EGFR: variants seen among roughly 807,000 people sequenced by gnomAD.
EGFR encodes the protein epidermal growth factor receptor.
A neutral mutation model predicts 143.0 loss-of-function variants in EGFR; 58 were observed. The observed-to-expected ratio is 0.41, with a 90% confidence interval of 0.33 to 0.50. The LOEUF (loss-of-function observed/expected upper bound fraction) is 0.50, where lower values mean the gene tolerates loss of function less well. EGFR is among the 20% of genes least tolerant of loss of function. The pLI, the probability that EGFR is intolerant of heterozygous loss-of-function variation, is 0.39. For synonymous variants in EGFR, 613 were observed against 594.4 expected (o/e 1.03, Z -0.45); for missense variants, 1,307 against 1,579.0 (o/e 0.83, Z 2.92).
intron 15 of EGFR, among the ~76,000 whole-genome samples, chr7:55,167,903 G>A (rs758392882): frequency 1.3e-5 from 2 of 152,132 alleles, no homozygotes; most frequent in African/African-American, 2.4e-5. Context: ...TCAGAGCTTG[G>A]CATCTAAAGG....
intron 16 of EGFR, 170 bp from the exon 17 acceptor site, chr7:55,172,813 G>A (rs192475993): frequency 5.4e-5 from 84 of 1,541,418 alleles, no homozygotes; most frequent in Admixed American, 2.3e-4. Flanking sequence ...AGTTGGAAAC[G>A]TTGCCTTAGA....
chr7:55,040,797 C>T (rs889372665), intron 1 of EGFR, among the ~76,000 whole-genome samples: 10 of 152,170 alleles, frequency 6.6e-5, no homozygotes, highest in Admixed American at 1.3e-4. Context: ...ATATACTTTA[C>T]TCAATTAACT....
intron 1 of EGFR, among the ~76,000 whole-genome samples, chr7:55,020,652 G>C (rs9656703): frequency 0.039 from 5,849 of 151,904 alleles, 303 homozygotes; most frequent in African/African-American, 0.12. Context: ...GAGCGAGTCT[G>C]GCTTCGTGAC....
rs561639711 is a variant in EGFR, at chr7:55,098,276, C to G, written c.89-44010C>G. 1.3e-3 allele frequency among the ~76,000 whole-genome samples: 205 copies of G among 152,238 alleles called. 1 individual carries two copies. Among genetic ancestry groups the G allele is most frequent in the Non-Finnish European group, 2.6e-3 (175 of 68,014 alleles). On this transcript the variant is annotated intron_variant, in intron 1 of 27. Coordinates refer to ENST00000275493, the MANE Select transcript of EGFR (RefSeq NM_005228.5). ...GTTTCTCCAAATAACTAATTTGCAG[C>G]CTTCGGCAGCCAGGACTGGCAGGGA...
intron 1 of EGFR, among the ~76,000 whole-genome samples, chr7:55,095,430 G>A (rs1185842725): frequency 6.6e-6 from 1 of 152,190 alleles, no homozygotes; most frequent in African/African-American, 2.4e-5. Flanking sequence ...TCATTTTACT[G>A]AAGCTGCTTC....
At chr7:55,118,235 G>A (rs1344539898) in intron 1 of EGFR, among the ~76,000 whole-genome samples, 4 of 152,134 alleles carry the variant, frequency 2.6e-5, no homozygotes, top group African/African-American at 9.7e-5. Flanking sequence ...CTGAATCTAT[G>A]TCACCTCTCC....
chr7:55,200,278 T>C, intron 23 of EGFR, 38 bp from the exon 24 acceptor site: 2 of 1,567,170 alleles, frequency 1.3e-6, no homozygotes, highest in African/African-American at 1.4e-5. Context: ...TTTCTTCCAG[T>C]GTTCTAATTG....
chr7:55,042,579 C>G (rs1787956412), intron 1 of EGFR, among the ~76,000 whole-genome samples: 1 of 152,128 alleles, frequency 6.6e-6, no homozygotes, highest in Admixed American at 6.6e-5. Context: ...GGGAAAAAGT[C>G]TCCTCTGCAA....
intron 1 of EGFR, among the ~76,000 whole-genome samples, chr7:55,102,589 T>C (rs948980976): frequency 6.6e-6 from 1 of 152,198 alleles, no homozygotes. Flanking sequence ...TAACAATTTT[T>C]TTTACCAAAA....
intron 1 of EGFR, among the ~76,000 whole-genome samples, chr7:55,058,556 G>A (rs989423698): frequency 5.9e-5 from 9 of 152,084 alleles, no homozygotes; most frequent in South Asian, 4.2e-4. Context: ...TGTCCTTTGC[G>A]GGGACATGGA....
At position 55,205,674 on chromosome 7, in the gene EGFR, G is replaced by GCCACAGCAGGT. The variant is rs370844927; in HGVS notation, c.*60_*70dup. The GCCACAGCAGGT allele has an allele frequency of 4.3e-4, 701 of 1,613,178 alleles. 3 individuals carry two copies. The African/African-American group carries it at 8.3e-3, about 19-fold the overall frequency. On this transcript the variant is annotated 3_prime_UTR_variant, in exon 28 of 28. Coordinates refer to ENST00000275493, the MANE Select transcript of EGFR (RefSeq NM_005228.5). ...AGACTCTTTCGATACCCAGGACCAAGCCACAGCAGGTCCTCCATCCCAACA... is the reference window on the plus strand; with the variant it reads ...AGACTCTTTCGATACCCAGGACCAAGCCACAGCAGGTCCACAGCAGGTCCTCCATCCCAACA...
chr7:55,192,898 G>T, intron 22 of EGFR, 57 bp downstream of exon 22: 2 of 1,472,724 alleles, frequency 1.4e-6, no homozygotes, highest in South Asian at 1.1e-5. Context: ...GGCTTTTATT[G>T]TTAGTTAATT....
chr7:55,165,682 C>G (rs569055034), intron 15 of EGFR, among the ~76,000 whole-genome samples: 112 of 152,304 alleles, frequency 7.4e-4, no homozygotes, highest in South Asian at 3.5e-3. Flanking sequence ...CTGCACATCA[C>G]AACAGGAGGG....
intron 1 of EGFR, among the ~76,000 whole-genome samples, chr7:55,117,445 C>A (rs1344482152): frequency 6.6e-6 from 1 of 152,176 alleles, no homozygotes; most frequent in Non-Finnish European, 1.5e-5. Context: ...AGGTAAGCTG[C>A]AGAAAACGAG....
At chr7:55,168,558 C>T (rs1044791282) in intron 15 of EGFR, 1 of 1,609,558 alleles carries the variant, frequency 6.2e-7, no homozygotes, top group Non-Finnish European at 8.5e-7. Context: ...CTTTAGTCTC[C>T]CACTAAAACT....
chr7:55,023,260 A>G (rs767423758), intron 1 of EGFR, among the ~76,000 whole-genome samples: 2 of 152,176 alleles, frequency 1.3e-5, no homozygotes, highest in Non-Finnish European at 2.9e-5. Context: ...CTTATTTAAC[A>G]TTGGGTTTTA....
chr7:55,068,351 A>C (rs562519278), intron 1 of EGFR, among the ~76,000 whole-genome samples: 1 of 152,354 alleles, frequency 6.6e-6, no homozygotes, highest in East Asian at 1.9e-4. Context: ...TTAAAATGTC[A>C]GTGGCAGCCC....
At chr7:55,129,323 G>C (rs1338368109) in intron 1 of EGFR, among the ~76,000 whole-genome samples, 2 of 152,232 alleles carry the variant, frequency 1.3e-5, no homozygotes, top group African/African-American at 2.4e-5. Flanking sequence ...TGAGAAACGT[G>C]ATGAGAAACA....
intron 1 of EGFR, among the ~76,000 whole-genome samples, chr7:55,105,812 G>A (rs1562718413): frequency 6.6e-6 from 1 of 152,106 alleles, no homozygotes; most frequent in South Asian, 2.1e-4. Flanking sequence ...TTTTAATTTA[G>A]TTGTTTTGAT....
Sources: gnomAD v4.1 joint callset for allele counts (sites outside exome capture counted in the v4.1 genomes callset) on GRCh38, gnomAD v4.1.1 for gene constraint, MANE v1.5 for transcripts, NCBI Gene and HGNC (gene_info 2026-07-23, HGNC 2026-07-21) for gene names.